Variants in PGS1 observed in about 807,000 individuals in gnomAD.
PGS1 encodes the protein CDP-diacylglycerol--glycerol-3-phosphate 3-phosphatidyltransferase, mitochondrial.
In PGS1, 44 loss-of-function variants were observed where a neutral mutation model predicts 58.3. That is an observed-to-expected ratio of 0.75 (90% CI 0.59 to 0.97). PGS1 has a LOEUF of 0.97. Among genes scored for constraint, PGS1 ranks in the 50% least tolerant of loss-of-function variants. The pLI is 0.00. For synonymous variants in PGS1, 330 were observed against 311.0 expected (o/e 1.06, Z -0.64); for missense variants, 684 against 731.1 (o/e 0.94, Z 0.74).
At chr17:78,392,714 T>A (rs1325081067) in intron 2 of PGS1, 49 bp downstream of exon 2, 1 of 1,506,760 alleles carries the variant, frequency 6.6e-7, no homozygotes, top group Non-Finnish European at 9.2e-7. Flanking sequence ...TTTTGGGGGA[T>A]CAGGTTGGTG....
At chr17:78,396,256 A>T in intron 2 of PGS1, 52 bp from the exon 3 acceptor site, 2 of 1,370,080 alleles carry the variant, frequency 1.5e-6, no homozygotes, top group Non-Finnish European at 2.1e-6. Flanking sequence ...CTGTTTTCTT[A>T]GTGAACCATG....
chr17:78,423,232 G>C (rs2146379328), intron 9 of PGS1, among the ~76,000 whole-genome samples: 1 of 152,246 alleles, frequency 6.6e-6, no homozygotes, highest in South Asian at 2.1e-4. Flanking sequence ...GCACCCTGCT[G>C]CCCTAGCTAG....
At position 78,403,565 on chromosome 17, in the gene PGS1, C is replaced by T; in HGVS notation, c.881-3C>T. 3 of 1,607,520 alleles carry T rather than the reference C, an allele frequency of 1.9e-6. No individual in the cohort carries two copies. The highest frequency in any genetic ancestry group is 2.6e-6 in the Non-Finnish European group (3 of 1,174,648). On this transcript the variant is annotated splice_polypyrimidine_tract_variant and splice_region_variant and intron_variant, in intron 6 of 9. Coordinates refer to ENST00000262764, the MANE Select transcript of PGS1 (RefSeq NM_024419.5). Reference sequence around the variant, plus strand: ...CTTCACTCTTCTTTCACGTCTTCCCCAGGGGACCGGGCCGAGTACTGCAAG... The same window carrying T: ...CTTCACTCTTCTTTCACGTCTTCCCTAGGGGACCGGGCCGAGTACTGCAAG...
In PGS1 at chr17:78,378,826, G is replaced by A. The variant is rs1000191163; in HGVS notation, c.143+18G>A. 1.4e-6 allele frequency: 2 copies of A among 1,425,012 alleles called. No homozygotes were observed. Among genetic ancestry groups the A allele is most frequent in the Admixed American group, 3.0e-5 (1 of 33,230 alleles). 88.3% of individuals were successfully genotyped at this position (1,425,012 alleles called of 1,614,324 possible). On this transcript the variant is annotated intron_variant, in intron 1 of 9. Coordinates refer to ENST00000262764, the MANE Select transcript of PGS1 (RefSeq NM_024419.5). ...CGCAGGAGGTGAGAGGGGCGGCCGG[G>A]ATGAGAGTGCAGCCCTCGCGGCTGC...
intron 9 of PGS1, 154 bp from the exon 10 acceptor site, chr17:78,423,907 T>C (rs1437927522): frequency 6.2e-7 from 1 of 1,613,934 alleles, no homozygotes. Context: ...AGGAGCGAGC[T>C]AAACCTGTAG....
At chr17:78,380,198 G>C (rs1308831534) in intron 1 of PGS1, among the ~76,000 whole-genome samples, 1 of 151,832 alleles carries the variant, frequency 6.6e-6, no homozygotes, top group African/African-American at 2.4e-5. Context: ...TCTTACACTT[G>C]ATCTTTAAAA....
intron 1 of PGS1, among the ~76,000 whole-genome samples, chr17:78,391,665 A>G (rs1220598148): frequency 2.0e-5 from 3 of 152,048 alleles, no homozygotes; most frequent in Non-Finnish European, 4.4e-5. Context: ...TTTAGTAGAG[A>G]GGGGGTTTCA....
At chr17:78,413,534 C>G (rs1293284672) in intron 7 of PGS1, among the ~76,000 whole-genome samples, 1 of 152,184 alleles carries the variant, frequency 6.6e-6, no homozygotes, top group Admixed American at 6.5e-5. Context: ...CGCTCTTGCT[C>G]ACACCTGCTC....
At chr17:78,391,276 T>C (rs2082807544) in intron 1 of PGS1, among the ~76,000 whole-genome samples, 1 of 151,966 alleles carries the variant, frequency 6.6e-6, no homozygotes, top group Non-Finnish European at 1.5e-5. Context: ...TGAGAGGAGC[T>C]CATTTGCTCC....
chr17:78,407,166 G>GT (rs1410091942), intron 7 of PGS1, among the ~76,000 whole-genome samples: 14 of 152,050 alleles, frequency 9.2e-5, no homozygotes, highest in Non-Finnish European at 1.8e-4. Context: ...ACGTGCCCAT[G>GT]TGGGGGATGG....
chr17:78,413,836 C>T (rs2084938568), intron 7 of PGS1, among the ~76,000 whole-genome samples: 1 of 152,236 alleles, frequency 6.6e-6, no homozygotes, highest in South Asian at 2.1e-4. Context: ...CAAAACTGTG[C>T]TTGTCATCTC....
At chr17:78,383,027 G>A (rs2082144717) in intron 1 of PGS1, among the ~76,000 whole-genome samples, 1 of 152,132 alleles carries the variant, frequency 6.6e-6, no homozygotes, top group Non-Finnish European at 1.5e-5. Context: ...TCTTGAACTT[G>A]CCTACTATAC....
chr17:78,400,539 C>T lies in PGS1; in HGVS notation c.702-138C>T, dbSNP rs916438641. The T allele has an allele frequency of 4.3e-5, 31 of 714,694 alleles. No homozygotes were observed. Among genetic ancestry groups the T allele is most frequent in the Non-Finnish European group, 7.6e-5 (31 of 406,784 alleles). The allele number at this position is 714,694 out of a possible 1,614,324, so 44.3% of individuals were successfully genotyped here. A position where few individuals can be genotyped will look rare whatever the true frequency, so the allele number is the denominator to read the frequency against. ...CTTTGTCTTTTGCACGTGTTCATTG[C>T]TGAGTAGCTATTTGTTAACTGCATC... On this transcript the variant is annotated intron_variant, in intron 5 of 9. Coordinates refer to ENST00000262764, the MANE Select transcript of PGS1 (RefSeq NM_024419.5). This position sits in a 1 kb window ranked among gnomAD's most constrained non-coding sequence, Gnocchi z 4.4.
In PGS1 at chr17:78,398,349, G is replaced by A. The variant is rs773644712; in HGVS notation, c.509G>A (p.Arg170Gln). The A allele has an allele frequency of 5.0e-6, 8 of 1,610,040 alleles. No individual in the cohort carries two copies. Among genetic ancestry groups the A allele is most frequent in the South Asian group, 2.2e-5 (2 of 90,994 alleles). Residue 170 changes from arginine (R) to glutamine (Q), a missense_variant and splice_region_variant, in exon 4 of 10, where the codon CGA becomes CAA. By Grantham distance (43) the Arg-to-Gln change is conservative (BLOSUM62 1). Coordinates refer to ENST00000262764, the MANE Select transcript of PGS1 (RefSeq NM_024419.5). The part of the protein sequence containing the change: ...SILLDFTRGS[R>Q]GRKNSRTMLL... ...CTCTTAGACTTCACGCGGGGCTCACGAGGTAGGTGGCATGCAAGCCTGGCC... is the reference window on the plus strand; with the variant it reads ...CTCTTAGACTTCACGCGGGGCTCACAAGGTAGGTGGCATGCAAGCCTGGCC...
chr17:78,383,973 G>T (rs1174139462), intron 1 of PGS1, among the ~76,000 whole-genome samples: 1 of 152,218 alleles, frequency 6.6e-6, no homozygotes, highest in Non-Finnish European at 1.5e-5. Flanking sequence ...ATGTAAACGG[G>T]TCGATTTTGA....
chr17:78,379,583 T>G (rs2081890181), intron 1 of PGS1, among the ~76,000 whole-genome samples: 1 of 152,066 alleles, frequency 6.6e-6, no homozygotes, highest in Non-Finnish European at 1.5e-5. Context: ...TCCAGCACTT[T>G]GGGAGGCCGA....
At chr17:78,401,676 CAG>C (rs1202703581) in intron 6 of PGS1, among the ~76,000 whole-genome samples, 2 of 152,132 alleles carry the variant, frequency 1.3e-5, no homozygotes, top group Admixed American at 6.6e-5. Context: ...GTCCTTGTGT[CAG>C]GGGAGCCCTG....
At chr17:78,409,232 G>C (rs188795107) in intron 7 of PGS1, among the ~76,000 whole-genome samples, 2 of 152,242 alleles carry the variant, frequency 1.3e-5, no homozygotes, top group African/African-American at 2.4e-5. Context: ...TCTGCCCTCC[G>C]GCGTGCATTT....
Position 78,396,340 on chromosome 17 carries a change from G to T in PGS1, c.366G>T (p.Val122=). 1 of 1,613,886 alleles carries T rather than the reference G, an allele frequency of 6.2e-7. No individual in the cohort carries two copies. Among genetic ancestry groups the T allele is most frequent in the Non-Finnish European group, 8.5e-7 (1 of 1,179,834 alleles). ...GQIRVAKRRV[V]MASLYLGTGP... ...TAAGAGTAGCCAAGAGGCGGGTCGT[G>T]ATGGCATCCCTCTACCTGGGGACAG... is the stretch of plus-strand genomic sequence containing the variant. The change falls in exon 3 of 10, where the codon GTG becomes GTT. Residue 122 remains valine (V), a synonymous_variant. Coordinates refer to ENST00000262764, the MANE Select transcript of PGS1 (RefSeq NM_024419.5).
Sources: gnomAD v4.1 joint callset for allele counts (sites outside exome capture counted in the v4.1 genomes callset) on GRCh38, gnomAD v4.1.1 for gene constraint, Gnocchi (gnomAD v3.1) non-coding constraint, MANE v1.5 for transcripts, NCBI Gene and HGNC (gene_info 2026-07-23, HGNC 2026-07-21) for gene names.